PIK3CA: variants seen among roughly 807,000 people sequenced by gnomAD.
PIK3CA encodes the protein phosphatidylinositol-4,5-bisphosphate 3-kinase catalytic subunit alpha.
In PIK3CA, 27 loss-of-function variants were observed where a neutral mutation model predicts 138.2. The ratio of observed to expected loss-of-function variants is 0.20; its 90% confidence interval spans 0.14 to 0.27. The LOEUF (loss-of-function observed/expected upper bound fraction) is 0.27. Ranked by LOEUF, PIK3CA falls within the 10% of genes least tolerant of loss-of-function variation. The probability of loss-of-function intolerance (pLI) is 1.00; values close to 1 mark genes in which losing one functional copy is unlikely to be tolerated. For missense variants in PIK3CA, 544 were observed against 1,277.4 expected, an observed-to-expected ratio of 0.43 and a Z score of 8.75; for synonymous variants, 358 against 413.2, an observed-to-expected ratio of 0.87 and a Z score of 1.62.
At chr3:179,195,788 A>G (rs1025520532) in intron 1 of PIK3CA, among the ~76,000 whole-genome samples, 9 of 152,162 alleles carry the variant, frequency 5.9e-5, no homozygotes, top group African/African-American at 2.2e-4. Context: ...CTACCTCAAA[A>G]GTGTTACTGC....
intron 1 of PIK3CA, among the ~76,000 whole-genome samples, chr3:179,197,281 C>T (rs1437817751): frequency 6.6e-6 from 1 of 152,142 alleles, no homozygotes; most frequent in African/African-American, 2.4e-5. Context: ...TCGTGATCTG[C>T]CCACCTCAGC....
intron 1 of PIK3CA, among the ~76,000 whole-genome samples, chr3:179,162,850 T>A (rs973429374): frequency 6.0e-5 from 9 of 151,256 alleles, no homozygotes; most frequent in African/African-American, 2.2e-4. Context: ...TTAGCCTAAT[T>A]CTCTTCTTTA....
chr3:179,155,074 A>T (rs1453818149), intron 1 of PIK3CA, among the ~76,000 whole-genome samples: 3 of 152,224 alleles, frequency 2.0e-5, no homozygotes, highest in African/African-American at 7.2e-5. Context: ...AAAACTGTAT[A>T]GGGATAGAAT....
rs769406397 is a variant in PIK3CA at position 179,210,434 on chromosome 3, A to T, written c.1408A>T (p.Thr470Ser). The T allele has an allele frequency of 1.9e-6, 3 of 1,611,740 alleles. No individual in the cohort carries two copies. The South Asian group carries it at 3.3e-5, about 18-fold the overall frequency. ...GVTGSNPNKE[T>S]PCLELEFDWF... is the part of the protein sequence containing the mutation. ...TAGCTTTTCTTCCATCTCTTAGGAA[A>T]CTCCATGCTTAGAGTTGGAGTTTGA... is the stretch of plus-strand genomic sequence containing the variant. Residue 470 changes from threonine to serine, a missense_variant, in exon 9 of 21, where the codon ACT (threonine) becomes TCT (serine). Coordinates refer to ENST00000263967, the MANE Select transcript of PIK3CA (RefSeq NM_006218.4).
chr3:179,199,703 C>T lies in PIK3CA; in HGVS notation c.366C>T (p.Gly122=), dbSNP rs1390149986. ...ATTTTATTAAAGGTTTTGCTATCGG[C>T]ATGCCAGTGTGTGAATTTGATATGG... The part of the protein sequence containing the change: ...ILNREIGFAI[G]MPVCEFDMVK... The change falls in exon 3 of 21, where the codon GGC becomes GGT. Residue 122 remains glycine (G), a synonymous_variant. Transcript: ENST00000263967. The T allele has an allele frequency of 1.2e-6, 2 of 1,607,758 alleles. No individual in the cohort carries two copies. Among genetic ancestry groups the T allele is most frequent in the South Asian group, 2.2e-5 (2 of 90,876 alleles).
In PIK3CA at chr3:179,210,417, C is replaced by T. The variant is rs1284248149; in HGVS notation, c.1405-14C>T. The stretch of plus-strand genomic sequence containing the variant: ...CTCTTATGTATATATAATAGCTTTT[C>T]TTCCATCTCTTAGGAAACTCCATGC... On this transcript the variant is annotated splice_polypyrimidine_tract_variant and intron_variant, in intron 8 of 20. Transcript: ENST00000263967. The T allele has an allele frequency of 1.9e-6, 3 of 1,609,320 alleles. No individual in the cohort carries two copies. Among genetic ancestry groups the T allele is most frequent in the Non-Finnish European group, 2.5e-6 (3 of 1,178,600 alleles).
At chr3:179,216,012 T>C (rs1724828557) in intron 9 of PIK3CA, among the ~76,000 whole-genome samples, 1 of 152,164 alleles carries the variant, frequency 6.6e-6, no homozygotes, top group African/African-American at 2.4e-5. Flanking sequence ...TGCTAAGTTA[T>C]GGCTATCAAA....
chr3:179,171,794 T>C (rs1374576304), intron 1 of PIK3CA, among the ~76,000 whole-genome samples: 2 of 152,110 alleles, frequency 1.3e-5, no homozygotes, highest in East Asian at 3.8e-4. Flanking sequence ...TAGCTAGTAA[T>C]TCTGTCAGAC....
At chr3:179,179,309 C>T (rs545141619) in intron 1 of PIK3CA, among the ~76,000 whole-genome samples, 1 of 152,330 alleles carries the variant, frequency 6.6e-6, no homozygotes, top group East Asian at 1.9e-4. Context: ...AAAGAACTAA[C>T]CACTAATACA....
chr3:179,210,039 G>A, intron 7 of PIK3CA, 147 bp from the exon 8 acceptor site: 2 of 585,872 alleles, frequency 3.4e-6, no homozygotes, highest in Non-Finnish European at 5.6e-6. Context: ...GGAAAGAATG[G>A]GCTTAAACCT....
chr3:179,228,388 T>C (rs1045620812), intron 17 of PIK3CA, among the ~76,000 whole-genome samples: 1 of 152,150 alleles, frequency 6.6e-6, no homozygotes, highest in East Asian at 1.9e-4. Context: ...GAAAGACAAA[T>C]TGATTTTAAT....
intron 1 of PIK3CA, among the ~76,000 whole-genome samples, chr3:179,154,985 C>T (rs1049226622): frequency 6.6e-6 from 1 of 152,076 alleles, no homozygotes; most frequent in Admixed American, 6.6e-5. Context: ...TTCTTACAGA[C>T]TATGCTTGTC....
chr3:179,212,602 T>G (rs921812118), intron 9 of PIK3CA, among the ~76,000 whole-genome samples: 4 of 151,716 alleles, frequency 2.6e-5, no homozygotes, highest in Non-Finnish European at 5.9e-5. Context: ...AGACTCCGTC[T>G]CAAAAAAACA....
intron 6 of PIK3CA, among the ~76,000 whole-genome samples, chr3:179,208,100 C>G (rs1327512563): frequency 6.6e-6 from 1 of 151,920 alleles, no homozygotes; most frequent in East Asian, 1.9e-4. Flanking sequence ...TTTTCTTTTA[C>G]CTTTAGAATT....
chr3:179,174,518 C>T (rs575996889), intron 1 of PIK3CA, among the ~76,000 whole-genome samples: 58 of 152,108 alleles, frequency 3.8e-4, no homozygotes, highest in Non-Finnish European at 7.6e-4. Flanking sequence ...ACTTCCCCCC[C>T]ATTCCCTCTC....
rs1725293324 is a variant in PIK3CA, at chr3:179,234,659, A to T, written c.*295A>T. On this transcript the variant is annotated 3_prime_UTR_variant, in exon 21 of 21. Coordinates refer to ENST00000263967, the MANE Select transcript of PIK3CA (RefSeq NM_006218.4). This position sits in a 1 kb window ranked among gnomAD's most constrained non-coding sequence, Gnocchi z 5.1. Reference sequence around the variant, plus strand: ...AGATTGTTTGTATCTTTTTTTAAAAAACAAAACAAAACAAAAATCCCCAAA... The same window carrying T: ...AGATTGTTTGTATCTTTTTTTAAAATACAAAACAAAACAAAAATCCCCAAA... 3.7e-6 allele frequency: 1 copy of T among 268,874 alleles called. No individual in the cohort carries two copies. Among genetic ancestry groups the T allele is most frequent in the Admixed American group, 5.3e-5 (1 of 18,914 alleles). 16.7% of individuals were successfully genotyped at this position (268,874 alleles called of 1,614,324 possible).
intron 1 of PIK3CA, among the ~76,000 whole-genome samples, chr3:179,154,321 G>T (rs1560120804): frequency 1.3e-5 from 2 of 152,092 alleles, no homozygotes; most frequent in Non-Finnish European, 1.5e-5. Context: ...TCTGCCTGTT[G>T]TCGGAGCAGC....
chr3:179,226,452 T>C (rs1725084728), intron 17 of PIK3CA, among the ~76,000 whole-genome samples: 2 of 152,168 alleles, frequency 1.3e-5, no homozygotes, highest in African/African-American at 4.8e-5. Flanking sequence ...TCTTAGAGTT[T>C]TTACCAGTCT....
intron 15 of PIK3CA, 58 bp from the exon 16 acceptor site, chr3:179,224,642 T>C (rs368625682): frequency 1.7e-6 from 2 of 1,143,338 alleles, no homozygotes. Context: ...AAAATAAATT[T>C]CAGGGTAAAA....
Sources: gnomAD v4.1 joint callset for allele counts (sites outside exome capture counted in the v4.1 genomes callset) on GRCh38, gnomAD v4.1.1 for gene constraint, Gnocchi (gnomAD v3.1) non-coding constraint, MANE v1.5 for transcripts, NCBI Gene and HGNC (gene_info 2026-07-23, HGNC 2026-07-21) for gene names.